Variants in UTRN observed in about 807,000 individuals in gnomAD.
UTRN encodes the protein dystrophin-related protein 1.
UTRN carries 283 observed loss-of-function variants against 463.9 expected under a neutral mutation model. The ratio of observed to expected loss-of-function variants is 0.61; its 90% CI spans 0.55 to 0.67. The LOEUF (loss-of-function observed/expected upper bound fraction) is 0.67, where lower values mean the gene tolerates loss of function less well. Among genes scored for constraint, UTRN ranks in the 30% least tolerant of loss-of-function variants. UTRN has a pLI of 0.00. For missense variants in UTRN, 3,922 were observed against 4,084.3 expected, an observed-to-expected ratio of 0.96 and a Z score of 1.08; for synonymous variants, 1,442 against 1,431.5, an observed-to-expected ratio of 1.01 and a Z score of -0.17.
chr6:144,556,721 A>C (rs1371456201), intron 49 of UTRN, among the ~76,000 whole-genome samples: 1 of 152,156 alleles, frequency 6.6e-6, no homozygotes, highest in Admixed American at 6.5e-5. Context: ...CTTTGTAAAC[A>C]CACCTTGTGA....
chr6:144,356,756 C>T (rs1191942404), intron 2 of UTRN, among the ~76,000 whole-genome samples: 2 of 152,074 alleles, frequency 1.3e-5, no homozygotes, highest in East Asian at 1.9e-4. Context: ...GAGGCAGAGG[C>T]GGAGGCTGCA....
intron 65 of UTRN, among the ~76,000 whole-genome samples, chr6:144,814,768 C>T (rs1204659072): frequency 3.9e-5 from 6 of 151,940 alleles, no homozygotes; most frequent in African/African-American, 9.7e-5. Flanking sequence ...CTATTGTGTA[C>T]GTAATATGAT....
Position 144,513,921 on chromosome 6 carries a change from C to G in UTRN, c.4957C>G (p.Gln1653Glu). Residue 1653 changes from glutamine (Q) to glutamate (E), a missense_variant, in exon 36 of 75, where the codon CAG (glutamine) becomes GAG (glutamate). This residue lies in a region of UTRN where 2,349 missense variants were observed against 2,303.8 expected (regional missense o/e 1.02). Coordinates refer to ENST00000367545, the MANE Select transcript of UTRN (RefSeq NM_007124.3). ...AATTCCTTTGTAGAACCATCAGAAC[C>G]AGCTAGAAATATTTGATGGGAACGT... The part of the protein sequence containing the change: ...WCNTLMNHQN[Q>E]LEIFDGNVAH... The G allele has an allele frequency of 6.2e-7, 1 of 1,613,660 alleles. No homozygotes were observed. The highest frequency in any genetic ancestry group is 1.1e-5 in the South Asian group (1 of 91,034).
chr6:144,852,335 CT>C lies in UTRN; in HGVS notation c.*1340del, dbSNP rs1782529965. 1 of 151,948 alleles carries C rather than the reference CT, an allele frequency of 6.6e-6. No homozygotes were observed. The highest frequency in any genetic ancestry group is 1.5e-5 in the Non-Finnish European group (1 of 67,978). 9.4% of individuals were successfully genotyped at this position (151,948 alleles called of 1,614,324 possible). On this transcript the variant is annotated 3_prime_UTR_variant, in exon 75 of 75. Transcript: ENST00000367545. ...TAATTGATTCAGTTTAAACATGTTA[CT>C]TAATTAGCAAATGTAGAGGAACCAA...
At chr6:144,839,318 G>C (rs766396785) in intron 72 of UTRN, 34 bp downstream of exon 72, 8 of 1,542,340 alleles carry the variant, frequency 5.2e-6, no homozygotes, top group Admixed American at 1.7e-5. Flanking sequence ...CCTCTGCTGA[G>C]TCTGCTTTGT....
chr6:144,573,550 G>A (rs943148099), intron 50 of UTRN, among the ~76,000 whole-genome samples: 15 of 151,994 alleles, frequency 9.9e-5, no homozygotes, highest in Non-Finnish European at 2.1e-4. Context: ...ACAAAAATTA[G>A]CCAGGTGTAG....
At chr6:144,336,441 A>T (rs888689761) in intron 2 of UTRN, among the ~76,000 whole-genome samples, 1 of 152,168 alleles carries the variant, frequency 6.6e-6, no homozygotes, top group African/African-American at 2.4e-5. Context: ...TGAAGACCAC[A>T]TTGGGGTTCA....
At chr6:144,563,045 G>A (rs1800076555) in intron 50 of UTRN, among the ~76,000 whole-genome samples, 1 of 152,082 alleles carries the variant, frequency 6.6e-6, no homozygotes, top group South Asian at 2.1e-4. Context: ...TAATGTGGGA[G>A]CACAAATACA....
intron 54 of UTRN, among the ~76,000 whole-genome samples, chr6:144,732,355 A>T (rs1788785115): frequency 6.6e-6 from 1 of 150,842 alleles, no homozygotes; most frequent in Admixed American, 6.6e-5. Flanking sequence ...GTGCACACAC[A>T]TACTGCCATT....
intron 52 of UTRN, among the ~76,000 whole-genome samples, chr6:144,684,140 C>T (rs970812933): frequency 6.6e-6 from 1 of 151,584 alleles, no homozygotes; most frequent in Admixed American, 6.6e-5. Flanking sequence ...ACCTCCACCT[C>T]CTGGGTTTAA....
chr6:144,825,351 G>A (rs1355895905), intron 66 of UTRN, among the ~76,000 whole-genome samples: 2 of 152,150 alleles, frequency 1.3e-5, no homozygotes, highest in African/African-American at 4.8e-5. Flanking sequence ...GTAATGATAG[G>A]TTGTAACTAT....
chr6:144,633,634 C>T (rs1006498054), intron 51 of UTRN, among the ~76,000 whole-genome samples: 1 of 152,162 alleles, frequency 6.6e-6, no homozygotes, highest in African/African-American at 2.4e-5. Flanking sequence ...CACACAATTT[C>T]TTTCAGATAG....
chr6:144,510,928 T>G lies in UTRN; in HGVS notation c.4765-16T>G. The G allele has an allele frequency of 6.5e-7, 1 of 1,545,240 alleles. No homozygotes were observed. The highest frequency in any genetic ancestry group is 8.8e-7 in the Non-Finnish European group (1 of 1,140,456). Reference sequence around the variant, plus strand: ...TTCTGAAGCATCAAGTAGGTCTTGGTGTTTTTATTTTCTAGAATGTTCTGA... The same window carrying G: ...TTCTGAAGCATCAAGTAGGTCTTGGGGTTTTTATTTTCTAGAATGTTCTGA... On this transcript the variant is annotated splice_polypyrimidine_tract_variant and intron_variant, in intron 34 of 74. Transcript: ENST00000367545.
rs547874488 is a variant in UTRN, at chr6:144,797,997, C to G, written c.9245+7C>G. The G allele has an allele frequency of 6.2e-7, 1 of 1,613,768 alleles. No individual in the cohort carries two copies. Among genetic ancestry groups the G allele is most frequent in the Non-Finnish European group, 8.5e-7 (1 of 1,179,926 alleles). On this transcript the variant is annotated splice_region_variant and intron_variant, in intron 64 of 74. Transcript: ENST00000367545. ...GTCCAATTGTCGGGTTCAGGTAAGG[C>G]GTGCCAGTGCTGGAGGAGGCTATTT...
chr6:144,480,662 C>T (rs1791762531), intron 26 of UTRN, among the ~76,000 whole-genome samples: 1 of 152,132 alleles, frequency 6.6e-6, no homozygotes, highest in Non-Finnish European at 1.5e-5. Context: ...AATAAAAGAA[C>T]TGGGCATCAT....
chr6:144,708,094 T>C (rs796591083), intron 53 of UTRN: 6 of 254,784 alleles, frequency 2.4e-5, no homozygotes, highest in African/African-American at 1.4e-4. Flanking sequence ...GCTGCATATA[T>C]GGGTCTTCAC....
intron 61 of UTRN, among the ~76,000 whole-genome samples, chr6:144,786,832 T>A (rs1401569647): frequency 6.6e-6 from 1 of 152,194 alleles, no homozygotes; most frequent in Non-Finnish European, 1.5e-5. Flanking sequence ...GATTGTCTCA[T>A]ATGTTTTCTA....
chr6:144,711,470 C>A (rs963143875), intron 53 of UTRN, among the ~76,000 whole-genome samples: 2 of 152,100 alleles, frequency 1.3e-5, no homozygotes, highest in Non-Finnish European at 2.9e-5. Context: ...ATGCAACTTC[C>A]CTTTCAAGAA....
At chr6:144,538,290 AT>A (rs1797705643) in intron 44 of UTRN, among the ~76,000 whole-genome samples, 1 of 152,152 alleles carries the variant, frequency 6.6e-6, no homozygotes, top group Non-Finnish European at 1.5e-5. Flanking sequence ...TAAATTTTGT[AT>A]TCATAAATAT....
Sources: allele counts gnomAD v4.1 joint callset (sites outside exome capture counted in the v4.1 genomes callset), GRCh38; gene constraint gnomAD v4.1.1; regional missense constraint gnomAD v4.1.1; transcripts MANE v1.5; gene names NCBI Gene and HGNC (gene_info 2026-07-23, HGNC 2026-07-21).